TOX3: variants seen among roughly 807,000 people sequenced by gnomAD.
The protein encoded by TOX3 is CAG trinucleotide repeat-containing gene F9 protein.
TOX3 carries 22 observed loss-of-function variants against 64.3 expected under a neutral mutation model. The ratio of observed to expected loss-of-function variants is 0.34; its 90% CI spans 0.24 to 0.49. The LOEUF (loss-of-function observed/expected upper bound fraction) is 0.49, where lower values mean the gene tolerates loss of function less well. TOX3 is among the 20% of genes least tolerant of loss of function. TOX3 has a pLI of 0.99. For missense variants in TOX3, 661 were observed against 714.4 expected, an observed-to-expected ratio of 0.93 and a Z score of 0.85; for synonymous variants, 291 against 273.6, an observed-to-expected ratio of 1.06 and a Z score of -0.63.
intron 2 of TOX3, among the ~76,000 whole-genome samples, chr16:52,468,043 C>A (rs1960920603): frequency 6.6e-6 from 1 of 152,122 alleles, no homozygotes; most frequent in Non-Finnish European, 1.5e-5. Context: ...TCACCCCAAG[C>A]CCCAGGAAAC....
intron 4 of TOX3, among the ~76,000 whole-genome samples, chr16:52,448,949 T>G (rs1960252182): frequency 6.6e-6 from 1 of 152,214 alleles, no homozygotes; most frequent in Admixed American, 6.5e-5. Context: ...CATTTGCTGA[T>G]AGCCATTCTG....
At chr16:52,440,837 T>C (rs1387764222) in intron 6 of TOX3, among the ~76,000 whole-genome samples, 1 of 137,196 alleles carries the variant, frequency 7.3e-6, no homozygotes, top group African/African-American at 2.7e-5. Context: ...CTCAGCTCAC[T>C]GCAACCTCTG....
Position 52,450,426 on chromosome 16 carries a change from T to C in TOX3, c.529A>G (p.Ile177Val), listed in dbSNP as rs1420615602. The change falls in exon 4 of 7, where the codon ATC (isoleucine) becomes GTC (valine). Residue 177 changes from isoleucine (I) to valine (V), a missense_variant. By Grantham distance (29) the Ile-to-Val change is conservative. Around this residue, in one of 3 missense-constraint regions of TOX3, gnomAD observed 259 missense variants for 261.2 expected, o/e 0.99. Coordinates refer to ENST00000219746, the MANE Select transcript of TOX3 (RefSeq NM_001080430.4). ...TGGGCGCTGAGCTGAGACTGGTTGA[T>C]GGTGGTGAGCTGGGCAGGAGGCATG... is the stretch of plus-strand genomic sequence containing the variant. ...GVMPPAQLTT[I>V]NQSQLSAQLG... The C allele has an allele frequency of 2.5e-6, 4 of 1,613,952 alleles. No individual in the cohort carries two copies. The highest frequency in any genetic ancestry group is 3.4e-6 in the Non-Finnish European group (4 of 1,179,876).
intron 1 of TOX3, among the ~76,000 whole-genome samples, chr16:52,538,812 G>A (rs1963016437): frequency 6.6e-6 from 1 of 152,160 alleles, no homozygotes; most frequent in South Asian, 2.1e-4. Context: ...ACATATTTAA[G>A]AGAACATGGC....
At chr16:52,529,417 C>T (rs1962800649) in intron 1 of TOX3, among the ~76,000 whole-genome samples, 1 of 152,056 alleles carries the variant, frequency 6.6e-6, no homozygotes, top group Non-Finnish European at 1.5e-5. Flanking sequence ...AGCCTGGACA[C>T]TATACAAACA....
In TOX3 at chr16:52,546,862, C is replaced by T; in HGVS notation, c.-139G>A. 1 of 1,216,598 alleles carries T rather than the reference C, an allele frequency of 8.2e-7. No individual in the cohort carries two copies. Among genetic ancestry groups the T allele is most frequent in the Non-Finnish European group, 1.0e-6 (1 of 977,642 alleles). The allele number at this position is 1,216,598 out of a possible 1,614,324, so 75.4% of individuals were successfully genotyped here. Reference sequence around the variant, plus strand: ...CTCGCGGCCGGAGGGGCGCCGGGACCCAGAGCCCGAGGAGCTCGGGAGCCG... The same window carrying T: ...CTCGCGGCCGGAGGGGCGCCGGGACTCAGAGCCCGAGGAGCTCGGGAGCCG... On this transcript the variant is annotated 5_prime_UTR_variant, in exon 1 of 7. Coordinates refer to ENST00000219746, the MANE Select transcript of TOX3 (RefSeq NM_001080430.4).
chr16:52,439,198 A>G lies in TOX3; in HGVS notation c.*27T>C. On this transcript the variant is annotated 3_prime_UTR_variant, in exon 7 of 7. Coordinates refer to ENST00000219746, the MANE Select transcript of TOX3 (RefSeq NM_001080430.4). ...CCTCCTATGCCACTCTCCTTGGTAT[A>G]CGCAAATCCGTCTGCCATATGCGTC... 1 of 1,613,646 alleles carries G rather than the reference A, an allele frequency of 6.2e-7. No individual in the cohort carries two copies. The highest frequency in any genetic ancestry group is 1.1e-5 in the South Asian group (1 of 90,974).
intron 1 of TOX3, among the ~76,000 whole-genome samples, chr16:52,520,509 AG>A (rs1279200241): frequency 1.3e-5 from 2 of 152,230 alleles, no homozygotes; most frequent in African/African-American, 4.8e-5. Context: ...GCCAAATTTC[AG>A]TTATTTGTAT....
At chr16:52,440,452 G>A (rs986949089) in intron 6 of TOX3, among the ~76,000 whole-genome samples, 1 of 152,216 alleles carries the variant, frequency 6.6e-6, no homozygotes, top group African/African-American at 2.4e-5. Context: ...GGCACTCTCT[G>A]AGGATAAATG....
At chr16:52,444,022 A>C (rs944018548) in intron 6 of TOX3, among the ~76,000 whole-genome samples, 2 of 152,222 alleles carry the variant, frequency 1.3e-5, no homozygotes, top group African/African-American at 4.8e-5. Context: ...TTTAAAATTT[A>C]TGTATATAGC....
chr16:52,463,948 T>G lies in TOX3; in HGVS notation c.394A>C (p.Ser132Arg). The G allele has an allele frequency of 6.5e-7, 1 of 1,550,232 alleles. No homozygotes were observed. The highest frequency in any genetic ancestry group is 8.7e-7 in the Non-Finnish European group (1 of 1,145,708). ...GTGGTGCCTACCATATGCAACCCAC[T>G]GCTATGAAGCACGCCATCTTGTTCC... The part of the protein sequence containing the change: ...LVEQDGVLHS[S>R]GLHMDQSHTQ... Residue 132 changes from serine (S) to arginine (R), a missense_variant, in exon 3 of 7, where the codon AGT (serine) becomes CGT (arginine). Physicochemically the swap from Ser to Arg is moderately radical, Grantham distance 110. Coordinates refer to ENST00000219746, the MANE Select transcript of TOX3 (RefSeq NM_001080430.4).
Position 52,547,071 on chromosome 16 carries a change from G to C in TOX3, c.-348C>G, listed in dbSNP as rs1963214348. 9 of 406,480 alleles carry C rather than the reference G, an allele frequency of 2.2e-5. No individual in the cohort carries two copies. Among genetic ancestry groups the C allele is most frequent in the Non-Finnish European group, 2.6e-5 (8 of 303,072 alleles). The allele number at this position is 406,480 out of a possible 1,614,324, so 25.2% of individuals were successfully genotyped here. ...AGGTGCGCTGGGCGAGGCTGGGACG[G>C]CGGCGGCGGCGGCGGCTGGCCCCGC... On this transcript the variant is annotated 5_prime_UTR_variant, in exon 1 of 7. Coordinates refer to ENST00000219746, the MANE Select transcript of TOX3 (RefSeq NM_001080430.4).
At chr16:52,541,154 T>G in intron 1 of TOX3, among the ~76,000 whole-genome samples, 1 of 152,130 alleles carries the variant, frequency 6.6e-6, no homozygotes, top group Non-Finnish European at 1.5e-5. Context: ...AAGCCTGTGT[T>G]ATAACAAGCT....
At chr16:52,546,536 A>T (rs1305525481) in intron 1 of TOX3, 101 bp downstream of exon 1, 1 of 1,053,686 alleles carries the variant, frequency 9.5e-7, no homozygotes, top group Non-Finnish European at 1.3e-6. Flanking sequence ...GGGAGGAAAG[A>T]GGCCAAAGAA....
chr16:52,510,330 G>A (rs1050643074), intron 1 of TOX3, among the ~76,000 whole-genome samples: 5 of 151,872 alleles, frequency 3.3e-5, no homozygotes, highest in Admixed American at 2.0e-4. Context: ...TTGGGACCAG[G>A]GTCTTACAAA....
intron 3 of TOX3, among the ~76,000 whole-genome samples, chr16:52,460,053 G>T (rs1315549560): frequency 6.6e-6 from 1 of 152,022 alleles, no homozygotes; most frequent in African/African-American, 2.4e-5. Context: ...TTTCTTCTCT[G>T]CATAAATGTC....
Position 52,454,682 on chromosome 16 carries a change from A to C in TOX3, c.409-4136T>G, listed in dbSNP as rs1490286648. Among the ~76,000 whole-genome samples, 3 of 152,302 alleles carry C rather than the reference A, an allele frequency of 2.0e-5. No individual in the cohort carries two copies. In the South Asian group the frequency reaches 6.2e-4, roughly 32 times the overall value. ...CTTGATCTTAGGACTACCACATAAA[A>C]AGAGGAAGATGTCAGCTCAGTATAA... is the stretch of plus-strand genomic sequence containing the variant. On this transcript the variant is annotated intron_variant, in intron 3 of 6. Transcript: ENST00000219746.
intron 1 of TOX3, among the ~76,000 whole-genome samples, chr16:52,543,300 A>C (rs1963113203): frequency 6.6e-6 from 1 of 152,238 alleles, no homozygotes; most frequent in African/African-American, 2.4e-5. Context: ...TTACCAGTTC[A>C]GCATCCCTAA....
chr16:52,460,345 C>A (rs1011572066), intron 3 of TOX3, among the ~76,000 whole-genome samples: 1 of 152,072 alleles, frequency 6.6e-6, no homozygotes, highest in Non-Finnish European at 1.5e-5. Context: ...GGGGGGCATA[C>A]AAAATATCAG....
Sources: allele counts gnomAD v4.1 joint callset (sites outside exome capture counted in the v4.1 genomes callset), GRCh38; gene constraint gnomAD v4.1.1; regional missense constraint gnomAD v4.1.1; transcripts MANE v1.5; gene names NCBI Gene and HGNC (gene_info 2026-07-23, HGNC 2026-07-21).